Variants in KIF26B observed in about 807,000 individuals in gnomAD.
The protein encoded by KIF26B is kinesin family member 26B.
A neutral mutation model predicts 151.2 loss-of-function variants in KIF26B; 63 were observed. The ratio of observed to expected loss-of-function variants is 0.42; its 90% CI spans 0.34 to 0.51. The LOEUF (loss-of-function observed/expected upper bound fraction) is 0.51. Among genes scored for constraint, KIF26B ranks in the 20% least tolerant of loss-of-function variants. The pLI is 0.07. For missense variants in KIF26B, 2,813 were observed against 2,913.6 expected (o/e 0.97, Z 0.79); for synonymous variants, 1,357 against 1,262.1 (o/e 1.08, Z -1.59).
Position 245,688,249 on chromosome 1 carries a change from C to T in KIF26B, c.5266C>T (p.Leu1756Phe). 1 of 1,593,796 alleles carries T rather than the reference C, an allele frequency of 6.3e-7. No homozygotes were observed. The highest frequency in any genetic ancestry group is 8.5e-7 in the Non-Finnish European group (1 of 1,176,128). The change falls in exon 12 of 15, where the codon CTC becomes TTC. Residue 1756 changes from leucine to phenylalanine, a missense_variant. By Grantham distance (22) the Leu-to-Phe change is conservative. Transcript: ENST00000407071. ...RGPSASTTKT[L>F]SFSTKSLPQA... ...CCCGTCCGCCTCCACCACCAAAACC[C>T]TCAGCTTCTCCACCAAGTCCCTGCC... is the stretch of plus-strand genomic sequence containing the variant.
intron 2 of KIF26B, among the ~76,000 whole-genome samples, chr1:245,179,716 C>G (rs7543651): frequency 0.23 from 35,065 of 152,172 alleles, 5,784 homozygotes; most frequent in African/African-American, 0.46. Flanking sequence ...AAGCAAACAA[C>G]TGTCGTAAAG....
chr1:245,468,218 C>A (rs1049799114), intron 4 of KIF26B, among the ~76,000 whole-genome samples: 1 of 152,184 alleles, frequency 6.6e-6, no homozygotes, highest in East Asian at 1.9e-4. Flanking sequence ...CCATAAGAAC[C>A]CATTCTCCAG....
intron 2 of KIF26B, among the ~76,000 whole-genome samples, chr1:245,342,999 T>C (rs557408064): frequency 6.6e-6 from 1 of 151,520 alleles, no homozygotes; most frequent in East Asian, 1.9e-4. Context: ...GGCAGGAGAA[T>C]TGCTTTAAGC....
At chr1:245,617,550 A>T (rs1451315816) in intron 9 of KIF26B, among the ~76,000 whole-genome samples, 4 of 152,124 alleles carry the variant, frequency 2.6e-5, no homozygotes, top group Admixed American at 2.0e-4. Context: ...CTTGCTTCTA[A>T]TGGAGCCACA....
At chr1:245,269,132 T>C (rs1670803246) in intron 2 of KIF26B, among the ~76,000 whole-genome samples, 2 of 152,068 alleles carry the variant, frequency 1.3e-5, no homozygotes, top group African/African-American at 4.8e-5. Context: ...TGTTGTACAA[T>C]AGATCTCTAG....
chr1:245,286,697 A>G (rs1671168698), intron 2 of KIF26B, among the ~76,000 whole-genome samples: 1 of 152,240 alleles, frequency 6.6e-6, no homozygotes, highest in African/African-American at 2.4e-5. Context: ...TACAAGAAAG[A>G]TAAATTAGGT....
chr1:245,479,080 C>T (rs1203793954), intron 4 of KIF26B, among the ~76,000 whole-genome samples: 1 of 151,554 alleles, frequency 6.6e-6, no homozygotes, highest in East Asian at 1.9e-4. Context: ...CAAGAGGAGA[C>T]GTCCAGCAGA....
chr1:245,588,525 T>G (rs1250964158), intron 5 of KIF26B, among the ~76,000 whole-genome samples: 3 of 152,160 alleles, frequency 2.0e-5, no homozygotes, highest in Non-Finnish European at 4.4e-5. Context: ...AACCCGTCCT[T>G]CACTTCACCC....
chr1:245,387,154 G>GT (rs1673568081), intron 3 of KIF26B, among the ~76,000 whole-genome samples: 1 of 90,508 alleles, frequency 1.1e-5, no homozygotes, highest in Non-Finnish European at 2.2e-5. Context: ...GTTTTTTTTT[G>GT]TTTTTTGTTT....
chr1:245,346,633 C>T (rs916143294), intron 2 of KIF26B, among the ~76,000 whole-genome samples: 7 of 152,172 alleles, frequency 4.6e-5, no homozygotes, highest in African/African-American at 1.2e-4. Flanking sequence ...TCCTCTTCTC[C>T]GATGACCTTG....
At chr1:245,164,400 T>C (rs1668581879) in intron 2 of KIF26B, among the ~76,000 whole-genome samples, 1 of 152,268 alleles carries the variant, frequency 6.6e-6, no homozygotes. Context: ...ATGAACATTT[T>C]TGATTCCTGT....
At chr1:245,161,568 GTAA>G (rs1000044178) in intron 2 of KIF26B, among the ~76,000 whole-genome samples, 5 of 152,084 alleles carry the variant, frequency 3.3e-5, no homozygotes, top group African/African-American at 4.8e-5. Context: ...AGCGATGATA[GTAA>G]TAATAATAAT....
At chr1:245,485,702 C>T (rs1660267542) in intron 4 of KIF26B, among the ~76,000 whole-genome samples, 1 of 152,018 alleles carries the variant, frequency 6.6e-6, no homozygotes, top group Non-Finnish European at 1.5e-5. Context: ...TTTTTAAATG[C>T]TGCATGTGAA....
intron 2 of KIF26B, among the ~76,000 whole-genome samples, chr1:245,284,428 T>C (rs1472991837): frequency 2.0e-5 from 3 of 152,142 alleles, no homozygotes; most frequent in Non-Finnish European, 1.5e-5. Context: ...TTTGGGTTTT[T>C]TTGAAAACGC....
chr1:245,538,026 C>A (rs1442324374), intron 4 of KIF26B, among the ~76,000 whole-genome samples: 1 of 152,106 alleles, frequency 6.6e-6, no homozygotes, highest in Non-Finnish European at 1.5e-5. Context: ...AGAGAAGGAA[C>A]CAGCAAAGGA....
At position 245,560,300 on chromosome 1, in the gene KIF26B, C is replaced by T. The variant is rs1436834915; in HGVS notation, c.1350+19350C>T. Among the ~76,000 whole-genome samples the T allele has an allele frequency of 1.3e-5, 2 of 152,176 alleles. No individual in the cohort carries two copies. The highest frequency in any genetic ancestry group is 4.8e-5 in the African/African-American group (2 of 41,458). ...GAAGGAGACCCAGATACCCTCCAGACATAGGTCCGGCCTCTCAGGAGTTTT... is the reference window on the plus strand; with the variant it reads ...GAAGGAGACCCAGATACCCTCCAGATATAGGTCCGGCCTCTCAGGAGTTTT... On this transcript the variant is annotated intron_variant, in intron 5 of 14. Transcript: ENST00000407071. This position sits in a 1 kb window ranked among gnomAD's most constrained non-coding sequence, Gnocchi z 4.3.
At chr1:245,668,487 GTTAC>G (rs911919581) in intron 10 of KIF26B, among the ~76,000 whole-genome samples, 8 of 152,078 alleles carry the variant, frequency 5.3e-5, no homozygotes, top group Non-Finnish European at 8.8e-5. Flanking sequence ...TCTCCCTTAA[GTTAC>G]TTAATGTATG....
chr1:245,698,008 C>G lies in KIF26B; in HGVS notation c.5825-98C>G. 1 of 1,161,840 alleles carries G rather than the reference C, an allele frequency of 8.6e-7. No individual in the cohort carries two copies. The highest frequency in any genetic ancestry group is 1.2e-6 in the Non-Finnish European group (1 of 827,398). 72.0% of individuals were successfully genotyped at this position (1,161,840 alleles called of 1,614,324 possible). A position where few individuals can be genotyped will look rare whatever the true frequency, so the allele number is the denominator to read the frequency against. On this transcript the variant is annotated intron_variant, in intron 12 of 14. Transcript: ENST00000407071. This position sits in a 1 kb window ranked among gnomAD's most constrained non-coding sequence, Gnocchi z 4.0. ...GTGAGCTATGGATCGCACCACTGCA[C>G]TCCAGCCTGGGCAACAGAGCAAGAC...
chr1:245,267,833 CT>C (rs1670775965), intron 2 of KIF26B, among the ~76,000 whole-genome samples: 1 of 152,120 alleles, frequency 6.6e-6, no homozygotes, highest in Non-Finnish European at 1.5e-5. Context: ...ACAGATATTT[CT>C]GGGTTGTGGG....
Sources: gnomAD v4.1 joint callset for allele counts (sites outside exome capture counted in the v4.1 genomes callset) on GRCh38, gnomAD v4.1.1 for gene constraint, Gnocchi (gnomAD v3.1) non-coding constraint, MANE v1.5 for transcripts, NCBI Gene and HGNC (gene_info 2026-07-23, HGNC 2026-07-21) for gene names.